ERC2: variants seen among roughly 807,000 people sequenced by gnomAD.
ERC2 encodes the protein ERC protein 2.
ERC2 carries 42 observed loss-of-function variants against 114.8 expected under a neutral mutation model. The observed-to-expected ratio is 0.37, with a 90% CI of 0.29 to 0.47. ERC2 has a LOEUF of 0.47. Ranked by LOEUF, ERC2 falls within the 20% of genes least tolerant of loss-of-function variation. ERC2 has a pLI of 0.99. For missense variants in ERC2, 939 were observed against 1,150.7 expected (o/e 0.82, Z 2.66); for synonymous variants, 454 against 425.5 (o/e 1.07, Z -0.82).
intron 6 of ERC2, among the ~76,000 whole-genome samples, chr3:56,098,571 T>G (rs559772017): frequency 6.6e-6 from 1 of 152,302 alleles, no homozygotes; most frequent in South Asian, 2.1e-4. Context: ...AGACTGGTCA[T>G]TGGAAATGTT....
At chr3:55,698,922 CG>C (rs1264874741) in intron 16 of ERC2, among the ~76,000 whole-genome samples, 9 of 152,008 alleles carry the variant, frequency 5.9e-5, no homozygotes, top group South Asian at 2.1e-4. Flanking sequence ...CTGGCTAAAA[CG>C]CAGGCAAAAC....
intron 2 of ERC2, among the ~76,000 whole-genome samples, chr3:56,317,750 A>G (rs1487305681): frequency 6.6e-6 from 1 of 152,214 alleles, no homozygotes; most frequent in Admixed American, 6.5e-5. Context: ...GTAACCAAGA[A>G]ATAAAAGTAT....
At chr3:56,361,506 C>T (rs2058957510) in intron 2 of ERC2, among the ~76,000 whole-genome samples, 1 of 152,174 alleles carries the variant, frequency 6.6e-6, no homozygotes, top group South Asian at 2.1e-4. Context: ...AGACCTCCAG[C>T]AGAGATCAAC....
At chr3:55,598,726 T>C (rs145678300) in intron 17 of ERC2, among the ~76,000 whole-genome samples, 1,882 of 152,390 alleles carry the variant, frequency 0.012, 10 homozygotes, top group Middle Eastern at 0.054. Flanking sequence ...TCCTGGCCAA[T>C]GCCAGATGTA....
chr3:56,331,359 A>G (rs1425742554), intron 2 of ERC2, among the ~76,000 whole-genome samples: 2 of 151,500 alleles, frequency 1.3e-5, no homozygotes, highest in Non-Finnish European at 2.9e-5. Context: ...TGACCTCCTC[A>G]CTCTACTCAC....
At chr3:55,875,223 C>A (rs935770415) in intron 14 of ERC2, among the ~76,000 whole-genome samples, 5 of 152,168 alleles carry the variant, frequency 3.3e-5, no homozygotes. Context: ...AGAGGCAGAG[C>A]CAGGAAGAGA....
At chr3:56,231,741 G>A (rs569303938) in intron 3 of ERC2, among the ~76,000 whole-genome samples, 6 of 152,232 alleles carry the variant, frequency 3.9e-5, no homozygotes, top group South Asian at 2.1e-4. Flanking sequence ...AAGCACTACC[G>A]TCAGCTGATC....
chr3:55,867,024 A>G (rs980009292), intron 14 of ERC2, among the ~76,000 whole-genome samples: 16 of 152,124 alleles, frequency 1.1e-4, no homozygotes, highest in African/African-American at 3.6e-4. Flanking sequence ...AAAATTGAAA[A>G]TTCATTAGGA....
At chr3:56,282,678 G>GCTGCTGC (rs2054427078) in intron 3 of ERC2, among the ~76,000 whole-genome samples, 1 of 151,102 alleles carries the variant, frequency 6.6e-6, no homozygotes, top group African/African-American at 2.4e-5. Flanking sequence ...TCTAACAGTG[G>GCTGCTGC]TGCTGCTGCT....
chr3:55,686,327 A>T (rs2062329675), intron 16 of ERC2, among the ~76,000 whole-genome samples: 2 of 152,244 alleles, frequency 1.3e-5, no homozygotes, highest in Admixed American at 1.3e-4. Flanking sequence ...ATGCATTTTT[A>T]AAAGTTTTTA....
intron 14 of ERC2, among the ~76,000 whole-genome samples, chr3:55,768,756 G>A (rs140641795): frequency 1.6e-3 from 240 of 152,302 alleles, no homozygotes; most frequent in African/African-American, 5.5e-3. Context: ...GAAGACAGAA[G>A]AAGGTGACAT....
At chr3:56,145,961 C>A (rs2081110895) in intron 5 of ERC2, among the ~76,000 whole-genome samples, 1 of 152,022 alleles carries the variant, frequency 6.6e-6, no homozygotes, top group Non-Finnish European at 1.5e-5. Context: ...GCAGTATTCC[C>A]AGGCTTAAAT....
intron 10 of ERC2, among the ~76,000 whole-genome samples, chr3:55,995,086 G>C (rs2149531706): frequency 6.6e-6 from 1 of 152,306 alleles, no homozygotes; most frequent in Non-Finnish European, 1.5e-5. Flanking sequence ...TGTAAACCCA[G>C]CACTTTGGGA....
At chr3:56,262,002 AG>A (rs2052966424) in intron 3 of ERC2, among the ~76,000 whole-genome samples, 1 of 152,174 alleles carries the variant, frequency 6.6e-6, no homozygotes, top group South Asian at 2.1e-4. Flanking sequence ...GCTAAGGATA[AG>A]GGCCTCCAGC....
At chr3:55,804,544 T>C (rs767271930) in intron 14 of ERC2, among the ~76,000 whole-genome samples, 1 of 152,150 alleles carries the variant, frequency 6.6e-6, no homozygotes, top group Non-Finnish European at 1.5e-5. Context: ...CCTTTAATCC[T>C]CTCAGCACTG....
intron 2 of ERC2, among the ~76,000 whole-genome samples, chr3:56,426,355 G>T (rs1307028537): frequency 1.3e-5 from 2 of 152,186 alleles, no homozygotes; most frequent in Admixed American, 6.5e-5. Flanking sequence ...CTCCTTTAAG[G>T]TCTCACTTCG....
intron 3 of ERC2, among the ~76,000 whole-genome samples, chr3:56,221,509 A>G (rs1327743660): frequency 6.6e-6 from 1 of 152,156 alleles, no homozygotes; most frequent in Non-Finnish European, 1.5e-5. Flanking sequence ...AACCTCCTAT[A>G]GAAGAGAACA....
intron 3 of ERC2, among the ~76,000 whole-genome samples, chr3:56,231,943 T>C (rs1432650714): frequency 6.6e-6 from 1 of 152,022 alleles, no homozygotes; most frequent in Non-Finnish European, 1.5e-5. Flanking sequence ...AAAAAAAATC[T>C]TTATAGAATG....
chr3:56,275,632 A>G (rs1027463656), intron 3 of ERC2, among the ~76,000 whole-genome samples: 9 of 152,170 alleles, frequency 5.9e-5, no homozygotes, highest in Non-Finnish European at 1.2e-4. Context: ...AGGTCTCTTG[A>G]AGATCTTGTT....
Sources: allele counts gnomAD v4.1 joint callset (sites outside exome capture counted in the v4.1 genomes callset), GRCh38; gene constraint gnomAD v4.1.1; transcripts MANE v1.5; gene names NCBI Gene and HGNC (gene_info 2026-07-23, HGNC 2026-07-21).